Variants in RPS6KC1 observed in about 807,000 individuals in gnomAD.
The protein encoded by RPS6KC1 is inactive ribosomal protein S6 kinase delta-1.
In RPS6KC1, 54 loss-of-function variants were observed where a neutral mutation model predicts 103.8. The ratio of observed to expected loss-of-function variants is 0.52; its 90% CI spans 0.42 to 0.65. The LOEUF (loss-of-function observed/expected upper bound fraction) is 0.65. RPS6KC1 is among the 30% of genes least tolerant of loss of function. The probability of loss-of-function intolerance (pLI) is 0.00; values close to 1 mark genes in which losing one functional copy is unlikely to be tolerated. For missense variants in RPS6KC1, 1,151 were observed against 1,253.8 expected, an observed-to-expected ratio of 0.92 and a Z score of 1.24; for synonymous variants, 439 against 438.7, an observed-to-expected ratio of 1.00 and a Z score of -0.01.
intron 3 of RPS6KC1, among the ~76,000 whole-genome samples, chr1:213,103,558 C>T (rs1027756643): frequency 6.6e-6 from 1 of 152,114 alleles, no homozygotes; most frequent in Non-Finnish European, 1.5e-5. Flanking sequence ...ACACACTGGG[C>T]AGAGGGTATT....
At chr1:213,301,418 G>A in the RPS6KC1 span, among the ~76,000 whole-genome samples, 2 of 152,210 alleles carry the variant, frequency 1.3e-5, no homozygotes, top group African/African-American at 4.8e-5. Flanking sequence ...TCAGCCAGTC[G>A]ATAAATAGTG....
At chr1:213,141,763 C>T (rs2087058834) in intron 6 of RPS6KC1, among the ~76,000 whole-genome samples, 1 of 151,402 alleles carries the variant, frequency 6.6e-6, no homozygotes, top group South Asian at 2.1e-4. Context: ...ATGTTTAGCA[C>T]TGTTAACTTT....
chr1:213,625,892 G>A, the RPS6KC1 span, among the ~76,000 whole-genome samples: 688 of 152,222 alleles, frequency 4.5e-3, 7 homozygotes, highest in African/African-American at 0.016. Flanking sequence ...ATAAACATAC[G>A]TGTGCATGTG....
At chr1:213,705,564 G>T in the RPS6KC1 span, among the ~76,000 whole-genome samples, 13 of 152,344 alleles carry the variant, frequency 8.5e-5, no homozygotes, top group Admixed American at 8.5e-4. Context: ...TGCCATCCAA[G>T]AGCCAAGTCC....
chr1:213,496,087 GA>G, the RPS6KC1 span, among the ~76,000 whole-genome samples: 1 of 151,410 alleles, frequency 6.6e-6, no homozygotes, highest in African/African-American at 2.4e-5. Context: ...GCACACTGTT[GA>G]AAAAAACATA....
At chr1:213,180,485 A>G (rs1470806269) in intron 8 of RPS6KC1, among the ~76,000 whole-genome samples, 1 of 152,062 alleles carries the variant, frequency 6.6e-6, no homozygotes, top group Non-Finnish European at 1.5e-5. Flanking sequence ...ATTCCTTTAG[A>G]TCTTAAGAGT....
chr1:213,420,236 C>T, the RPS6KC1 span, among the ~76,000 whole-genome samples: 4 of 152,130 alleles, frequency 2.6e-5, no homozygotes, highest in African/African-American at 9.7e-5. Context: ...CTGTTTAAAC[C>T]CATGTGCTGA....
the RPS6KC1 span, among the ~76,000 whole-genome samples, chr1:213,443,265 T>C: frequency 6.6e-6 from 1 of 152,172 alleles, no homozygotes; most frequent in Non-Finnish European, 1.5e-5. Context: ...TCAACATGAT[T>C]CACTTTTACC....
chr1:213,502,831 A>T, the RPS6KC1 span, among the ~76,000 whole-genome samples: 1 of 152,138 alleles, frequency 6.6e-6, no homozygotes, highest in Non-Finnish European at 1.5e-5. Context: ...ACTCATTTTC[A>T]TTTTTTAAAT....
At chr1:213,496,244 A>G in the RPS6KC1 span, among the ~76,000 whole-genome samples, 1 of 152,232 alleles carries the variant, frequency 6.6e-6, no homozygotes, top group African/African-American at 2.4e-5. Flanking sequence ...CAAACAATAA[A>G]TATAAATATG....
At chr1:213,508,636 CT>C in the RPS6KC1 span, among the ~76,000 whole-genome samples, 8 of 152,172 alleles carry the variant, frequency 5.3e-5, no homozygotes, top group East Asian at 3.9e-4. Context: ...TAAGTTTTTC[CT>C]TTTTTTCTTA....
chr1:213,693,090 G>A, the RPS6KC1 span, among the ~76,000 whole-genome samples: 1 of 152,190 alleles, frequency 6.6e-6, no homozygotes, highest in Non-Finnish European at 1.5e-5. Flanking sequence ...TGGCATTCAA[G>A]CCTAGACTAT....
the RPS6KC1 span, among the ~76,000 whole-genome samples, chr1:213,662,731 C>T: frequency 4.6e-5 from 7 of 152,196 alleles, no homozygotes; most frequent in South Asian, 2.1e-4. Context: ...TACGTAACCT[C>T]AACTCCAACC....
At chr1:213,152,175 C>T (rs1171456541) in intron 6 of RPS6KC1, among the ~76,000 whole-genome samples, 45 of 128,180 alleles carry the variant, frequency 3.5e-4, no homozygotes, top group Admixed American at 2.1e-3. Context: ...GCTGGCCGGG[C>T]GGGGGGCTGA....
At chr1:213,489,504 G>A in the RPS6KC1 span, among the ~76,000 whole-genome samples, 1 of 152,182 alleles carries the variant, frequency 6.6e-6, no homozygotes, top group Non-Finnish European at 1.5e-5. Context: ...CATTTATTGA[G>A]CATCTACTTT....
the RPS6KC1 span, among the ~76,000 whole-genome samples, chr1:213,369,414 A>T: frequency 6.6e-6 from 1 of 152,168 alleles, no homozygotes; most frequent in Admixed American, 6.5e-5. Context: ...GCTACCAAAG[A>T]CCCCTGGCCC....
intron 8 of RPS6KC1, among the ~76,000 whole-genome samples, chr1:213,180,231 C>T (rs1014599437): frequency 6.6e-6 from 1 of 152,064 alleles, no homozygotes; most frequent in Non-Finnish European, 1.5e-5. Context: ...AATGTTTTCT[C>T]TAATCTTGAG....
chr1:213,598,895 G>A, the RPS6KC1 span, among the ~76,000 whole-genome samples: 3 of 152,026 alleles, frequency 2.0e-5, no homozygotes, highest in Non-Finnish European at 2.9e-5. Context: ...GACTCCAGCC[G>A]GGCGACAGAG....
the RPS6KC1 span, among the ~76,000 whole-genome samples, chr1:213,644,722 T>C: frequency 6.6e-6 from 1 of 152,148 alleles, no homozygotes; most frequent in Non-Finnish European, 1.5e-5. Flanking sequence ...AGGAGTGGAA[T>C]TGCTCAGTCA....
Sources: gnomAD v4.1 joint callset for allele counts (sites outside exome capture counted in the v4.1 genomes callset) on GRCh38, gnomAD v4.1.1 for gene constraint, MANE v1.5 for transcripts, NCBI Gene and HGNC (gene_info 2026-07-23, HGNC 2026-07-21) for gene names.